The following PLA2R1 variants were observed in gnomAD, a reference collection of about 807,000 sequenced individuals.
PLA2R1 encodes secretory phospholipase A2 receptor.
In PLA2R1, 158 loss-of-function variants were observed where a neutral mutation model predicts 195.9. That is an observed-to-expected ratio of 0.81 (90% confidence interval 0.71 to 0.92). PLA2R1 has a LOEUF of 0.92. PLA2R1 is among the 40% of genes least tolerant of loss of function. The pLI, the probability that PLA2R1 is intolerant of heterozygous loss-of-function variation, is 0.00. For missense variants in PLA2R1, 1,626 were observed against 1,764.6 expected (o/e 0.92, Z 1.41); for synonymous variants, 586 against 598.2 (o/e 0.98, Z 0.30).
At chr2:160,044,511 C>T (rs551595829) in intron 2 of PLA2R1, among the ~76,000 whole-genome samples, 1 of 152,294 alleles carries the variant, frequency 6.6e-6, no homozygotes, top group East Asian at 1.9e-4. Flanking sequence ...TCCATTGATT[C>T]CCAGAGTCAG....
intron 9 of PLA2R1, among the ~76,000 whole-genome samples, chr2:160,013,699 C>G (rs1295460944): frequency 0.022 from 3,052 of 136,060 alleles, 53 homozygotes; most frequent in Non-Finnish European, 0.033. Flanking sequence ...CTCTCTCTCT[C>G]TCTGTCTCTC....
At chr2:159,976,331 C>T (rs1236628488) in intron 16 of PLA2R1, 106 bp from the exon 17 acceptor site, 1 of 686,930 alleles carries the variant, frequency 1.5e-6, no homozygotes, top group East Asian at 2.8e-5. Context: ...ATTGTATACA[C>T]ACACACAGGA....
intron 1 of PLA2R1, among the ~76,000 whole-genome samples, chr2:160,059,630 T>C (rs1573999023): frequency 2.0e-5 from 3 of 152,312 alleles, no homozygotes; most frequent in Admixed American, 2.0e-4. Flanking sequence ...TACTGACTTT[T>C]GAATACAGAA....
chr2:159,975,875 C>A (rs1440163177), intron 17 of PLA2R1, among the ~76,000 whole-genome samples, 193 bp downstream of exon 17: 2 of 152,090 alleles, frequency 1.3e-5, no homozygotes, highest in African/African-American at 4.8e-5. Flanking sequence ...ACCTGTACCT[C>A]CATTATTTTC....
chr2:159,958,005 G>A (rs1688205292), intron 20 of PLA2R1, among the ~76,000 whole-genome samples: 1 of 152,112 alleles, frequency 6.6e-6, no homozygotes, highest in Non-Finnish European at 1.5e-5. Flanking sequence ...AGGTTAGCGT[G>A]GAAACCTACA....
At chr2:160,044,705 C>A in intron 2 of PLA2R1, 69 bp downstream of exon 2, 1 of 1,346,700 alleles carries the variant, frequency 7.4e-7, no homozygotes, top group East Asian at 2.3e-5. Context: ...TAATGCTTTA[C>A]AAATCTTTAC....
At chr2:160,055,184 C>T (rs1315394232) in intron 1 of PLA2R1, among the ~76,000 whole-genome samples, 1 of 152,064 alleles carries the variant, frequency 6.6e-6, no homozygotes, top group Admixed American at 6.5e-5. Context: ...AACTGGACAT[C>T]TATGCTGACT....
intron 11 of PLA2R1, among the ~76,000 whole-genome samples, chr2:159,992,944 G>C (rs990777724): frequency 2.0e-5 from 3 of 152,072 alleles, no homozygotes; most frequent in African/African-American, 4.8e-5. Context: ...TTTTCACAGA[G>C]CCTGAGTTAT....
intron 11 of PLA2R1, among the ~76,000 whole-genome samples, chr2:160,002,089 G>T (rs1202481964): frequency 1.3e-5 from 2 of 151,428 alleles, no homozygotes; most frequent in African/African-American, 4.8e-5. Flanking sequence ...GAAAGGACAG[G>T]CACCAAACAA....
In PLA2R1 at chr2:159,945,028, AT is replaced by A. The variant is rs1404931379; in HGVS notation, c.4021del (p.Ile1341PhefsTer17). The A allele has an allele frequency of 2.5e-6, 4 of 1,613,622 alleles. No homozygotes were observed. Among genetic ancestry groups the A allele is most frequent in the Admixed American group, 3.3e-5 (2 of 59,966 alleles). On this transcript the variant is annotated frameshift_variant, in exon 28 of 30. Coordinates refer to ENST00000283243, the MANE Select transcript of PLA2R1 (RefSeq NM_007366.5). LOFTEE classifies it high-confidence loss of function. ...GTPTDQSNWG[I>X]RKPDTDYFKP... ...GAAGTAGTCTGTGTCTGGCTTCCGA[AT>A]GCCCCAGTTTGACTGGTCTGTGGGA...
chr2:159,977,915 G>C (rs2667022), intron 14 of PLA2R1, among the ~76,000 whole-genome samples: 22,134 of 151,804 alleles, frequency 0.15, 3,584 homozygotes, highest in African/African-American at 0.4. Context: ...GGGTGACAGA[G>C]CAAGACTCTG....
At chr2:159,960,830 A>AT (rs776487870) in intron 20 of PLA2R1, among the ~76,000 whole-genome samples, 10 of 152,168 alleles carry the variant, frequency 6.6e-5, no homozygotes, top group East Asian at 1.9e-4. Context: ...ACAAAGTGGG[A>AT]TTTTTTTCCT....
At chr2:160,006,079 C>A (rs1423282238) in intron 10 of PLA2R1, among the ~76,000 whole-genome samples, 1 of 152,128 alleles carries the variant, frequency 6.6e-6, no homozygotes, top group Non-Finnish European at 1.5e-5. Context: ...AATAGAGAGT[C>A]CAGCTCCAGT....
chr2:160,032,536 C>T (rs906770767), intron 4 of PLA2R1, among the ~76,000 whole-genome samples: 2 of 152,094 alleles, frequency 1.3e-5, no homozygotes, highest in African/African-American at 4.8e-5. Flanking sequence ...TTGGGACCCA[C>T]CAGAAGGCCT....
chr2:159,992,651 T>C (rs1030393794), intron 11 of PLA2R1, among the ~76,000 whole-genome samples: 6 of 151,094 alleles, frequency 4.0e-5, no homozygotes, highest in Non-Finnish European at 5.9e-5. Flanking sequence ...CTTCACAGAA[T>C]TGGAAAAAAC....
intron 11 of PLA2R1, among the ~76,000 whole-genome samples, chr2:159,996,201 G>A (rs1397709): frequency 6.6e-6 from 1 of 151,936 alleles, no homozygotes; most frequent in African/African-American, 2.4e-5. Context: ...TGAATATTTC[G>A]TGCAAGGTAG....
At chr2:159,924,758 A>G in the PLA2R1 span, among the ~76,000 whole-genome samples, 1 of 152,158 alleles carries the variant, frequency 6.6e-6, no homozygotes, top group Non-Finnish European at 1.5e-5. Flanking sequence ...ACAAAAATAA[A>G]AAAATAAAAA....
At chr2:159,984,285 G>A (rs73002778) in intron 12 of PLA2R1, among the ~76,000 whole-genome samples, 6 of 151,758 alleles carry the variant, frequency 4.0e-5, no homozygotes, top group African/African-American at 1.2e-4. Context: ...AATTTCTGAG[G>A]AGAATATAAT....
At chr2:160,045,765 A>G (rs896175483) in intron 1 of PLA2R1, among the ~76,000 whole-genome samples, 3 of 152,004 alleles carry the variant, frequency 2.0e-5, no homozygotes, top group African/African-American at 7.3e-5. Context: ...ATGGGGATAG[A>G]CTCTTAGTAG....
Sources: gnomAD v4.1 joint callset for allele counts (sites outside exome capture counted in the v4.1 genomes callset) on GRCh38, gnomAD v4.1.1 for gene constraint, MANE v1.5 for transcripts, NCBI Gene and HGNC (gene_info 2026-07-23, HGNC 2026-07-21) for gene names.